The following GLI3 variants were observed in gnomAD, a reference collection of about 807,000 sequenced individuals.
GLI3 encodes GLI family zinc finger 3.
A neutral mutation model predicts 100.8 loss-of-function variants in GLI3; 20 were observed. The observed-to-expected ratio is 0.20, with a 90% CI of 0.14 to 0.29. The LOEUF (loss-of-function observed/expected upper bound fraction) is 0.29. GLI3 is among the 10% of genes least tolerant of loss of function. The pLI, the probability that GLI3 is intolerant of heterozygous loss-of-function variation, is 1.00. For missense variants in GLI3, 2,040 were observed against 2,128.5 expected (o/e 0.96, Z 0.82); for synonymous variants, 938 against 860.5 (o/e 1.09, Z -1.58).
chr7:42,019,721 T>G, intron 10 of GLI3, among the ~76,000 whole-genome samples: 1 of 152,234 alleles, frequency 6.6e-6, no homozygotes, highest in South Asian at 2.1e-4. Context: ...TTTGAGATGT[T>G]AGAATGTGTG....
chr7:41,963,303 GTTGT>G lies in GLI3; in HGVS notation c.*1023_*1026del, dbSNP rs1787054749. ...TGTTACTGATACAGCCGCTTGTGGG[GTTGT>G]TTAAATACCTATATACTTAGAGCTA... is the stretch of plus-strand genomic sequence containing the variant. On this transcript the variant is annotated 3_prime_UTR_variant, in exon 15 of 15. Coordinates refer to ENST00000395925, the MANE Select transcript of GLI3 (RefSeq NM_000168.6). 6.6e-6 allele frequency: 1 copy of G among 152,146 alleles called. No individual in the cohort carries two copies. Among genetic ancestry groups the G allele is most frequent in the Non-Finnish European group, 1.5e-5 (1 of 68,030 alleles). 9.4% of individuals were successfully genotyped at this position (152,146 alleles called of 1,614,324 possible).
At chr7:42,206,844 T>A (rs963613655) in intron 2 of GLI3, among the ~76,000 whole-genome samples, 1 of 152,138 alleles carries the variant, frequency 6.6e-6, no homozygotes, top group African/African-American at 2.4e-5. Context: ...ATAGAAAAAC[T>A]GGTAAACAAT....
At chr7:41,968,716 GAAA>G (rs1787261960) in intron 13 of GLI3, among the ~76,000 whole-genome samples, 2 of 101,664 alleles carry the variant, frequency 2.0e-5, no homozygotes, top group Non-Finnish European at 3.8e-5. Context: ...AAAGAAAGAA[GAAA>G]GAAAGAAAGA....
At chr7:41,970,702 T>C (rs1337488280) in intron 13 of GLI3, among the ~76,000 whole-genome samples, 3 of 152,222 alleles carry the variant, frequency 2.0e-5, no homozygotes, top group Non-Finnish European at 1.5e-5. Flanking sequence ...GACAATTTTC[T>C]TGAGCTAGGA....
chr7:42,112,262 G>A (rs186249015), intron 3 of GLI3, among the ~76,000 whole-genome samples: 6 of 152,242 alleles, frequency 3.9e-5, no homozygotes, highest in Admixed American at 3.9e-4. Context: ...AGCCAGCCAG[G>A]TATCTTCAGT....
chr7:42,055,937 T>A (rs1003225405), intron 4 of GLI3, among the ~76,000 whole-genome samples: 1 of 152,102 alleles, frequency 6.6e-6, no homozygotes, highest in Non-Finnish European at 1.5e-5. Context: ...GGGGGGAACA[T>A]GTGGGAGGTG....
chr7:42,098,919 G>A (rs554559582), intron 3 of GLI3, among the ~76,000 whole-genome samples: 66 of 152,206 alleles, frequency 4.3e-4, no homozygotes, highest in African/African-American at 1.4e-3. Context: ...ATAAGCTTGC[G>A]TGGGTAGAAG....
chr7:42,209,820 C>CTCT (rs1554339988), intron 2 of GLI3, among the ~76,000 whole-genome samples: 10 of 138,394 alleles, frequency 7.2e-5, no homozygotes, highest in African/African-American at 2.7e-4. Flanking sequence ...GGTTCTCTCT[C>CTCT]TTTTTTTTTT....
chr7:42,018,514 A>C (rs1303452529), intron 10 of GLI3, among the ~76,000 whole-genome samples: 1 of 152,232 alleles, frequency 6.6e-6, no homozygotes, highest in Non-Finnish European at 1.5e-5. Flanking sequence ...TATTAATGTG[A>C]AAAGAATGTC....
chr7:42,252,690 A>G (rs1789046638), intron 1 of GLI3, among the ~76,000 whole-genome samples: 4 of 152,188 alleles, frequency 2.6e-5, no homozygotes, highest in African/African-American at 9.6e-5. Flanking sequence ...TAAAGAAGAT[A>G]CTAATATAAA....
intron 2 of GLI3, among the ~76,000 whole-genome samples, chr7:42,185,627 G>A (rs1235334776): frequency 6.6e-6 from 1 of 152,202 alleles, no homozygotes; most frequent in Non-Finnish European, 1.5e-5. Flanking sequence ...GCCCAGATGT[G>A]CTACAGCTTC....
chr7:42,020,776 G>C (rs1006773029), intron 10 of GLI3, among the ~76,000 whole-genome samples: 1 of 151,966 alleles, frequency 6.6e-6, no homozygotes, highest in Admixed American at 6.6e-5. Context: ...TGTAGTCCCA[G>C]CTACTCGGGA....
chr7:42,095,635 G>A (rs1007764614), intron 3 of GLI3, among the ~76,000 whole-genome samples: 1 of 152,150 alleles, frequency 6.6e-6, no homozygotes, highest in African/African-American at 2.4e-5. Flanking sequence ...TGGCCCAGGT[G>A]AGTGTTAATG....
At chr7:41,993,807 A>C (rs2128719177) in intron 10 of GLI3, among the ~76,000 whole-genome samples, 1 of 152,264 alleles carries the variant, frequency 6.6e-6, no homozygotes, top group South Asian at 2.1e-4. Context: ...GCCACAGGAA[A>C]CGGAAGCAAT....
intron 1 of GLI3, among the ~76,000 whole-genome samples, chr7:42,256,688 A>G (rs1490865345): frequency 6.6e-6 from 1 of 152,132 alleles, no homozygotes; most frequent in Non-Finnish European, 1.5e-5. Flanking sequence ...CTGTGGCTTT[A>G]GAGTAAGTTT....
chr7:42,176,096 A>C (rs1226502982), intron 2 of GLI3, among the ~76,000 whole-genome samples: 1 of 152,152 alleles, frequency 6.6e-6, no homozygotes, highest in African/African-American at 2.4e-5. Flanking sequence ...GGATTGTCAC[A>C]CAAGTCAGGC....
intron 2 of GLI3, among the ~76,000 whole-genome samples, chr7:42,191,347 C>T (rs1312191551): frequency 6.6e-6 from 1 of 152,118 alleles, no homozygotes; most frequent in African/African-American, 2.4e-5. Flanking sequence ...TGGTGGCTCT[C>T]GCCTATAATC....
At chr7:41,986,631 T>C (rs1321401578) in intron 10 of GLI3, among the ~76,000 whole-genome samples, 2 of 152,088 alleles carry the variant, frequency 1.3e-5, no homozygotes, top group Non-Finnish European at 2.9e-5. Context: ...GTATCCAGAA[T>C]AGGTAAATCT....
chr7:42,075,229 T>A (rs1784855620), intron 4 of GLI3, among the ~76,000 whole-genome samples: 1 of 152,340 alleles, frequency 6.6e-6, no homozygotes, highest in South Asian at 2.1e-4. Flanking sequence ...AAACTCATTT[T>A]AAAAAATTGC....
Sources: gnomAD v4.1 joint callset for allele counts (sites outside exome capture counted in the v4.1 genomes callset) on GRCh38, gnomAD v4.1.1 for gene constraint, MANE v1.5 for transcripts, NCBI Gene and HGNC (gene_info 2026-07-23, HGNC 2026-07-21) for gene names.